DIAPH2: variants seen among roughly 807,000 people sequenced by gnomAD.
DIAPH2 encodes the protein diaphanous related formin 2, also known as protein diaphanous homolog 2.
A neutral mutation model predicts 92.7 loss-of-function variants in DIAPH2; 35 were observed. That is an observed-to-expected ratio of 0.38 (90% CI 0.29 to 0.50). The LOEUF is 0.50. DIAPH2 is among the 20% of genes least tolerant of loss of function. The probability of loss-of-function intolerance (pLI) is 0.94; values close to 1 mark genes in which losing one functional copy is unlikely to be tolerated. For synonymous variants in DIAPH2, 301 were observed against 280.4 expected (o/e 1.07, Z -0.73); for missense variants, 701 against 819.5 (o/e 0.86, Z 1.77).
chrX:96,864,959 C>G lies in DIAPH2; in HGVS notation c.448-16620C>G, dbSNP rs753760681. ...AAAGGGATTACTGAAATATTTTTTT[C>G]TAATTCATTTTGTGTTCTTCCAAAA... is the stretch of plus-strand genomic sequence containing the variant. On this transcript the variant is annotated intron_variant, in intron 4 of 26. Coordinates refer to ENST00000324765, the MANE Select transcript of DIAPH2 (RefSeq NM_006729.5). Among the ~76,000 whole-genome samples, 6 of 111,964 alleles carry G rather than the reference C, an allele frequency of 5.4e-5. No homozygotes were observed. In the Admixed American group the frequency reaches 5.7e-4, roughly 11 times the overall value.
intron 9 of DIAPH2, 125 bp from the exon 10 acceptor site, chrX:96,930,608 T>C: frequency 2.2e-6 from 1 of 456,774 alleles, no homozygotes; most frequent in Non-Finnish European, 3.7e-6. Flanking sequence ...ATTATACTTC[T>C]AGAAATATTT....
intron 26 of DIAPH2, among the ~76,000 whole-genome samples, chrX:97,476,982 T>C (rs867071196): frequency 2.8e-5 from 2 of 71,451 alleles, no homozygotes; most frequent in African/African-American, 6.6e-5. Flanking sequence ...TATATATATA[T>C]ATACACACAC....
chrX:97,177,916 A>T (rs2067505858), intron 22 of DIAPH2, among the ~76,000 whole-genome samples: 1 of 111,442 alleles, frequency 9.0e-6, no homozygotes, highest in Non-Finnish European at 1.9e-5. Context: ...TAATTAAAAA[A>T]TCTAGATATG....
chrX:97,398,184 GCT>G (rs1443877529), intron 25 of DIAPH2, among the ~76,000 whole-genome samples: 3 of 112,025 alleles, frequency 2.7e-5, no homozygotes, highest in African/African-American at 9.7e-5. Context: ...CTGAGTCAGA[GCT>G]CTCTATCCAG....
intron 4 of DIAPH2, among the ~76,000 whole-genome samples, chrX:96,817,340 T>C (rs1463407426): frequency 9.0e-6 from 1 of 110,755 alleles, no homozygotes; most frequent in African/African-American, 3.3e-5. Flanking sequence ...ATGTAGCTCA[T>C]AAATATATAC....
chrX:96,751,602 A>C (rs1239048047), intron 3 of DIAPH2, among the ~76,000 whole-genome samples: 2 of 104,022 alleles, frequency 1.9e-5, no homozygotes, highest in African/African-American at 6.9e-5. Flanking sequence ...ATAATAAAGA[A>C]AAAATAATAA....
chrX:96,773,866 CACAAA>C (rs940115469), intron 4 of DIAPH2, among the ~76,000 whole-genome samples: 8 of 92,681 alleles, frequency 8.6e-5, no homozygotes, highest in African/African-American at 2.9e-4. Context: ...ACAAACAAAA[CACAAA>C]ACAAAACAAA....
chrX:97,147,621 G>C (rs936398929), intron 22 of DIAPH2, among the ~76,000 whole-genome samples: 7 of 110,975 alleles, frequency 6.3e-5, no homozygotes, highest in Non-Finnish European at 1.1e-4. Context: ...TCAAAAGGGG[G>C]AAATTATATT....
At chrX:97,298,679 A>G (rs1302739628) in intron 23 of DIAPH2, among the ~76,000 whole-genome samples, 1 of 98,107 alleles carries the variant, frequency 1.0e-5, no homozygotes, top group African/African-American at 3.9e-5. Flanking sequence ...TAGTGGCGCG[A>G]TCTTGGCTCA....
At position 96,751,657 on chromosome X, in the gene DIAPH2, T is replaced by G. The variant is rs888853590; in HGVS notation, c.343-6497T>G. 5.6e-4 allele frequency among the ~76,000 whole-genome samples: 41 copies of G among 73,372 alleles called. 2 individuals carry two copies. Among genetic ancestry groups the G allele is most frequent in the East Asian group, 3.6e-3 (8 of 2,212 alleles). The allele number at this position is 73,372 out of a possible 115,157, so 63.7% of individuals were successfully genotyped here. ...CAACTAGACTTCAGTGTTTTGTTTT[T>G]TTTTTTTTTTTTTTGAGACGAAGTC... On this transcript the variant is annotated intron_variant, in intron 3 of 26. Transcript: ENST00000324765.
intron 17 of DIAPH2, among the ~76,000 whole-genome samples, chrX:97,064,170 A>G (rs1023501043): frequency 1.6e-4 from 18 of 112,035 alleles, no homozygotes; most frequent in Non-Finnish European, 3.0e-4. Context: ...AACCTGACGA[A>G]TACATTTTTA....
chrX:97,153,308 C>A (rs113729976), intron 22 of DIAPH2, among the ~76,000 whole-genome samples: 1 of 111,447 alleles, frequency 9.0e-6, no homozygotes, highest in Non-Finnish European at 1.9e-5. Context: ...TCAGACCAGG[C>A]GCTGTGGCTC....
chrX:97,103,149 G>A (rs1384132686), intron 20 of DIAPH2, among the ~76,000 whole-genome samples: 2 of 111,613 alleles, frequency 1.8e-5, no homozygotes, highest in African/African-American at 6.5e-5. Flanking sequence ...TTTGGGCATT[G>A]TTATGCACTG....
chrX:96,829,273 G>A (rs1181278027), intron 4 of DIAPH2, among the ~76,000 whole-genome samples: 1 of 110,903 alleles, frequency 9.0e-6, no homozygotes, highest in African/African-American at 3.3e-5. Context: ...TATTTTTTAG[G>A]CTTTTTTCCC....
At chrX:96,970,425 T>C (rs116750943) in intron 17 of DIAPH2, among the ~76,000 whole-genome samples, 5,455 of 110,945 alleles carry the variant, frequency 0.049, 354 homozygotes, top group African/African-American at 0.17. Context: ...TGGAACTCAA[T>C]ATTTGTCTGT....
chrX:97,392,594 C>G (rs1056931248), intron 25 of DIAPH2, among the ~76,000 whole-genome samples: 1 of 111,499 alleles, frequency 9.0e-6, no homozygotes, highest in Admixed American at 9.6e-5. Context: ...TTTGGCTGAG[C>G]AGAGGTGAAA....
intron 1 of DIAPH2, among the ~76,000 whole-genome samples, chrX:96,696,267 A>T (rs904660637): frequency 4.5e-5 from 5 of 111,789 alleles, no homozygotes; most frequent in South Asian, 3.8e-4. Flanking sequence ...GAAAAATTTT[A>T]AAAAAAGATC....
chrX:97,027,639 G>C (rs1045701969), intron 17 of DIAPH2, among the ~76,000 whole-genome samples: 2 of 112,254 alleles, frequency 1.8e-5, no homozygotes, highest in Non-Finnish European at 3.8e-5. Flanking sequence ...GGAATTATTT[G>C]TATGTTCCTT....
At chrX:97,522,180 A>G (rs1043131208) in intron 26 of DIAPH2, among the ~76,000 whole-genome samples, 1 of 112,435 alleles carries the variant, frequency 8.9e-6, no homozygotes, top group Non-Finnish European at 1.9e-5. Flanking sequence ...CTACTATACC[A>G]TAATATAGAT....
Sources: allele counts gnomAD v4.1 joint callset (sites outside exome capture counted in the v4.1 genomes callset), GRCh38; gene constraint gnomAD v4.1.1; transcripts MANE v1.5; gene names NCBI Gene and HGNC (gene_info 2026-07-23, HGNC 2026-07-21).